CYRIA: variants seen among roughly 807,000 people sequenced by gnomAD.
CYRIA encodes the protein CYFIP-related Rac1 interactor A.
CYRIA carries 15 observed loss-of-function variants against 43.9 expected under a neutral mutation model. The ratio of observed to expected loss-of-function variants is 0.34; its 90% CI spans 0.23 to 0.53. The LOEUF (loss-of-function observed/expected upper bound fraction) is 0.53, where lower values mean the gene tolerates loss of function less well. Ranked by LOEUF, CYRIA falls within the 20% of genes least tolerant of loss-of-function variation. The pLI is 0.94. For missense variants in CYRIA, 236 were observed against 394.2 expected, an observed-to-expected ratio of 0.60 and a Z score of 3.40; for synonymous variants, 117 against 136.0, an observed-to-expected ratio of 0.86 and a Z score of 0.97.
chr2:16,553,429 G>T (rs1301293037), intron 11 of CYRIA, among the ~76,000 whole-genome samples: 1 of 152,070 alleles, frequency 6.6e-6, no homozygotes, highest in Admixed American at 6.5e-5. Flanking sequence ...GCCACCACAA[G>T]GGGGCACAAA....
intron 1 of CYRIA, among the ~76,000 whole-genome samples, chr2:16,637,907 C>T (rs1669553167): frequency 6.6e-6 from 1 of 152,196 alleles, no homozygotes; most frequent in African/African-American, 2.4e-5. Context: ...ATCCTGAACT[C>T]TGTGTCCTTC....
chr2:16,606,553 A>G (rs963304034), intron 2 of CYRIA, among the ~76,000 whole-genome samples: 2 of 152,036 alleles, frequency 1.3e-5, no homozygotes, highest in African/African-American at 4.8e-5. Flanking sequence ...AACTAAAAAA[A>G]AAAAAAAACA....
intron 3 of CYRIA, among the ~76,000 whole-genome samples, chr2:16,579,073 A>G (rs1176700251): frequency 6.6e-6 from 1 of 152,188 alleles, no homozygotes; most frequent in Non-Finnish European, 1.5e-5. Flanking sequence ...TTCTCATCAG[A>G]AACAATGAAA....
At chr2:16,600,844 G>T (rs912174358) in intron 2 of CYRIA, among the ~76,000 whole-genome samples, 1 of 152,116 alleles carries the variant, frequency 6.6e-6, no homozygotes, top group Non-Finnish European at 1.5e-5. Flanking sequence ...TGATTGGGGG[G>T]ATAAAAAGGA....
At chr2:16,647,830 C>A (rs1040961106) in intron 1 of CYRIA, among the ~76,000 whole-genome samples, 3 of 152,168 alleles carry the variant, frequency 2.0e-5, no homozygotes, top group African/African-American at 7.2e-5. Flanking sequence ...ACTGCCTTCC[C>A]TGACCCACTC....
intron 1 of CYRIA, among the ~76,000 whole-genome samples, chr2:16,662,748 A>T (rs1414949111): frequency 6.6e-6 from 1 of 152,226 alleles, no homozygotes; most frequent in East Asian, 1.9e-4. Context: ...CAGTGGAAGG[A>T]CAAATGTATT....
At chr2:16,635,294 G>A (rs1572193472) in intron 1 of CYRIA, among the ~76,000 whole-genome samples, 1 of 152,318 alleles carries the variant, frequency 6.6e-6, no homozygotes, top group East Asian at 1.9e-4. Flanking sequence ...TCCTGATGGG[G>A]AGATAGTCTC....
intron 1 of CYRIA, among the ~76,000 whole-genome samples, chr2:16,662,737 A>T (rs1670291393): frequency 6.6e-6 from 1 of 152,206 alleles, no homozygotes; most frequent in Admixed American, 6.5e-5. Context: ...CCTCAAGTGG[A>T]CAGTGGAAGG....
intron 4 of CYRIA, among the ~76,000 whole-genome samples, chr2:16,564,820 T>C (rs1666870402): frequency 1.3e-5 from 2 of 152,224 alleles, no homozygotes; most frequent in South Asian, 4.1e-4. Flanking sequence ...ATTTTCTTTT[T>C]TGTTTTTGTT....
intron 3 of CYRIA, among the ~76,000 whole-genome samples, chr2:16,571,965 G>A (rs968862713): frequency 5.9e-5 from 9 of 152,150 alleles, no homozygotes; most frequent in African/African-American, 1.7e-4. Flanking sequence ...TGACAGGGCC[G>A]GCATATTTAC....
At chr2:16,619,776 T>C (rs568477245) in intron 2 of CYRIA, among the ~76,000 whole-genome samples, 128 of 152,336 alleles carry the variant, frequency 8.4e-4, no homozygotes, top group African/African-American at 3.0e-3. Context: ...AGGCATTATC[T>C]GAGCATGATG....
At chr2:16,556,585 G>T (rs1460186123) in intron 10 of CYRIA, among the ~76,000 whole-genome samples, 1 of 152,162 alleles carries the variant, frequency 6.6e-6, no homozygotes, top group Non-Finnish European at 1.5e-5. Flanking sequence ...GATGCAGTTG[G>T]GGCCAGATGC....
At chr2:16,609,498 T>C (rs1289296171) in intron 2 of CYRIA, among the ~76,000 whole-genome samples, 1 of 152,240 alleles carries the variant, frequency 6.6e-6, no homozygotes, top group East Asian at 1.9e-4. Flanking sequence ...TTGCACTTGC[T>C]AGTCCTTCTG....
At chr2:16,640,038 G>A (rs146152745) in intron 1 of CYRIA, among the ~76,000 whole-genome samples, 44 of 152,214 alleles carry the variant, frequency 2.9e-4, no homozygotes, top group African/African-American at 7.2e-4. Context: ...CTGTAACACC[G>A]GATAAAAGAT....
intron 1 of CYRIA, among the ~76,000 whole-genome samples, chr2:16,646,461 A>G (rs1356869071): frequency 6.6e-6 from 1 of 152,222 alleles, no homozygotes; most frequent in Non-Finnish European, 1.5e-5. Context: ...TCAGGAATCT[A>G]GAGAAGCTGA....
At chr2:16,583,525 G>A (rs1354328514) in intron 3 of CYRIA, among the ~76,000 whole-genome samples, 4 of 152,170 alleles carry the variant, frequency 2.6e-5, no homozygotes, top group African/African-American at 9.7e-5. Context: ...AGGTTCACCA[G>A]ATGTTTCTAA....
intron 1 of CYRIA, among the ~76,000 whole-genome samples, chr2:16,664,569 T>C (rs553680371): frequency 6.6e-4 from 101 of 152,090 alleles, no homozygotes; most frequent in African/African-American, 2.4e-3. Flanking sequence ...CCGACAATGA[T>C]CCACCCAAAG....
At position 16,581,361 on chromosome 2, in the gene CYRIA, G is replaced by T. The variant is rs529884830; in HGVS notation, c.70+6689C>A. Among the ~76,000 whole-genome samples the T allele has an allele frequency of 9.2e-5, 14 of 152,224 alleles. No individual in the cohort carries two copies. In the South Asian group the frequency reaches 2.5e-3, roughly 27 times the overall value. On this transcript the variant is annotated intron_variant, in intron 3 of 11. Coordinates refer to ENST00000381323, the MANE Select transcript of CYRIA (RefSeq NM_030797.4). ...CATGAAAAAGAGCTCAACACTGTCA[G>T]TTATTATGGAAATGCAAATTAAAAA... is the stretch of plus-strand genomic sequence containing the variant.
rs1434466297 is a variant in CYRIA, at chr2:16,588,124, G to A, written c.-5C>T. Reference sequence around the variant, plus strand: ...GACTTTGAGCAGGTTTCCCATCCCAGCAAACCTAGGAAAGGCAACACAAAA... The same window carrying A: ...GACTTTGAGCAGGTTTCCCATCCCAACAAACCTAGGAAAGGCAACACAAAA... On this transcript the variant is annotated 5_prime_UTR_variant, in exon 3 of 12. Coordinates refer to ENST00000381323, the MANE Select transcript of CYRIA (RefSeq NM_030797.4). 2 of 1,600,640 alleles carry A rather than the reference G, an allele frequency of 1.2e-6. No individual in the cohort carries two copies. Among genetic ancestry groups the A allele is most frequent in the East Asian group, 2.2e-5 (1 of 44,622 alleles).
Sources: gnomAD v4.1 joint callset for allele counts (sites outside exome capture counted in the v4.1 genomes callset) on GRCh38, gnomAD v4.1.1 for gene constraint, MANE v1.5 for transcripts, NCBI Gene and HGNC (gene_info 2026-07-23, HGNC 2026-07-21) for gene names.